Variants in PTPRT observed in about 807,000 individuals in gnomAD.
PTPRT encodes the protein protein tyrosine phosphatase receptor type T, also known as receptor-type tyrosine-protein phosphatase T.
In PTPRT, 56 loss-of-function variants were observed where a neutral mutation model predicts 176.8. The observed-to-expected ratio is 0.32, with a 90% confidence interval of 0.26 to 0.40. PTPRT has a LOEUF of 0.40. Among genes scored for constraint, PTPRT ranks in the 10% least tolerant of loss-of-function variants. The pLI is 1.00. For missense variants in PTPRT, 1,540 were observed against 1,908.2 expected, an observed-to-expected ratio of 0.81 and a Z score of 3.60; for synonymous variants, 783 against 739.0, an observed-to-expected ratio of 1.06 and a Z score of -0.96.
intron 1 of PTPRT, among the ~76,000 whole-genome samples, chr20:42,985,019 A>C (rs1024491114): frequency 3.3e-5 from 5 of 152,242 alleles, no homozygotes; most frequent in Non-Finnish European, 7.3e-5. Context: ...AGGAATGAGG[A>C]ATAACCAGAC....
chr20:42,223,662 G>T (rs2055937893), intron 15 of PTPRT, among the ~76,000 whole-genome samples: 1 of 152,048 alleles, frequency 6.6e-6, no homozygotes, highest in Non-Finnish European at 1.5e-5. Context: ...ACAATTTCAT[G>T]GTAGCTCTGC....
rs1331737914 is a variant in PTPRT, at chr20:42,078,466, A to C, written c.*2413T>G. The C allele has an allele frequency of 9.6e-6, 2 of 208,042 alleles. No homozygotes were observed. The highest frequency in any genetic ancestry group is 2.3e-5 in the African/African-American group (1 of 43,850). The allele number at this position is 208,042 out of a possible 1,614,324, so 12.9% of individuals were successfully genotyped here. A position where few individuals can be genotyped will look rare whatever the true frequency, so the allele number is the denominator to read the frequency against. On this transcript the variant is annotated 3_prime_UTR_variant, in exon 31 of 31. Transcript: ENST00000373187. ...GTTCCAGCAACAAAACAATGAGCAG[A>C]CAGACAAATAGATGTGATATTAAAA...
At chr20:42,217,422 CACAG>C (rs1264008738) in intron 15 of PTPRT, among the ~76,000 whole-genome samples, 945 of 89,742 alleles carry the variant, frequency 0.011, 35 homozygotes, top group African/African-American at 0.053. Context: ...CACACACACA[CACAG>C]AACATTACGT....
chr20:43,029,047 C>T (rs189343924), intron 1 of PTPRT, among the ~76,000 whole-genome samples: 4 of 152,318 alleles, frequency 2.6e-5, no homozygotes, highest in Admixed American at 2.6e-4. Flanking sequence ...ATCCATCTAC[C>T]TCCTCTCAGC....
At chr20:43,115,592 C>T (rs1449336584) in intron 1 of PTPRT, among the ~76,000 whole-genome samples, 1 of 152,158 alleles carries the variant, frequency 6.6e-6, no homozygotes, top group African/African-American at 2.4e-5. Context: ...GTATTACCAG[C>T]ATCTAGTGTA....
At chr20:42,927,954 A>T (rs206635) in intron 1 of PTPRT, among the ~76,000 whole-genome samples, 2,767 of 152,318 alleles carry the variant, frequency 0.018, 87 homozygotes, top group African/African-American at 0.063. Context: ...GAGAGCTGGG[A>T]TCTATACCCA....
chr20:43,096,437 G>C (rs1158605570), intron 1 of PTPRT, among the ~76,000 whole-genome samples: 1 of 152,214 alleles, frequency 6.6e-6, no homozygotes. Context: ...TGGGGAGTCA[G>C]CTTTGGGAAG....
chr20:42,440,096 A>G (rs1883270), intron 9 of PTPRT, among the ~76,000 whole-genome samples: 125,577 of 152,046 alleles, frequency 0.83, 52,129 homozygotes, highest in East Asian at 0.88. Flanking sequence ...TAGTAGAGAC[A>G]GGGCTTCACC....
intron 15 of PTPRT, among the ~76,000 whole-genome samples, chr20:42,215,991 T>C (rs2055760488): frequency 1.3e-5 from 2 of 152,222 alleles, no homozygotes; most frequent in Non-Finnish European, 1.5e-5. Flanking sequence ...AGCCTGTATG[T>C]GGATAGATGA....
chr20:42,740,355 T>C (rs2076590307), intron 6 of PTPRT, among the ~76,000 whole-genome samples: 2 of 152,264 alleles, frequency 1.3e-5, no homozygotes, highest in South Asian at 4.2e-4. Flanking sequence ...GCCAACAACC[T>C]TCCTCTGGGG....
intron 6 of PTPRT, among the ~76,000 whole-genome samples, chr20:42,725,075 T>G (rs2146245194): frequency 6.6e-6 from 1 of 151,586 alleles, no homozygotes; most frequent in African/African-American, 2.4e-5. Context: ...TCGCCCAGGC[T>G]GGAGTTCAAT....
chr20:42,447,655 A>C (rs1202582845), intron 9 of PTPRT, among the ~76,000 whole-genome samples: 1 of 152,126 alleles, frequency 6.6e-6, no homozygotes, highest in Non-Finnish European at 1.5e-5. Context: ...TGATGGGTAC[A>C]TTCCTGCTTG....
At chr20:42,530,576 C>A (rs117185229) in intron 7 of PTPRT, among the ~76,000 whole-genome samples, 1,896 of 152,270 alleles carry the variant, frequency 0.012, 25 homozygotes, top group South Asian at 0.044. Context: ...TTAATCAGAT[C>A]CATGTGGGAA....
At chr20:42,069,086 CAGAG>C (rs1190900283), downstream of PTPRT, among the ~76,000 whole-genome samples, 2 of 152,214 alleles carry the variant, frequency 1.3e-5, no homozygotes, top group Admixed American at 6.5e-5. Flanking sequence ...CATGGACACT[CAGAG>C]AGGAGAGAAA....
At chr20:42,642,874 C>G (rs935345616) in intron 7 of PTPRT, among the ~76,000 whole-genome samples, 18 of 152,166 alleles carry the variant, frequency 1.2e-4, no homozygotes, top group African/African-American at 4.1e-4. Flanking sequence ...CACTTTGACT[C>G]TGGGCTTGGC....
intron 6 of PTPRT, among the ~76,000 whole-genome samples, chr20:42,736,824 G>A (rs2076547883): frequency 2.0e-5 from 3 of 152,088 alleles, no homozygotes; most frequent in East Asian, 1.9e-4. Context: ...AGAGATGGAA[G>A]GAGGGAAGGA....
At chr20:42,638,446 T>C (rs2074660200) in intron 7 of PTPRT, among the ~76,000 whole-genome samples, 1 of 152,098 alleles carries the variant, frequency 6.6e-6, no homozygotes, top group South Asian at 2.1e-4. Context: ...GGGAAACTGA[T>C]CCTAATCTTG....
intron 7 of PTPRT, among the ~76,000 whole-genome samples, chr20:42,585,515 C>G (rs1477652359): frequency 6.6e-6 from 1 of 152,116 alleles, no homozygotes; most frequent in Non-Finnish European, 1.5e-5. Context: ...TTTAGTTCCT[C>G]TATTTGGTAC....
At chr20:42,849,278 C>T (rs2078430501) in intron 2 of PTPRT, among the ~76,000 whole-genome samples, 1 of 152,196 alleles carries the variant, frequency 6.6e-6, no homozygotes. Flanking sequence ...GGAAGTCCCA[C>T]TTTCTCTTAA....
Sources: allele counts gnomAD v4.1 joint callset (sites outside exome capture counted in the v4.1 genomes callset), GRCh38; gene constraint gnomAD v4.1.1; transcripts MANE v1.5; gene names NCBI Gene and HGNC (gene_info 2026-07-23, HGNC 2026-07-21).